Variants in SSBP3 observed in about 807,000 individuals in gnomAD.
SSBP3 encodes single stranded DNA binding protein 3.
A neutral mutation model predicts 69.6 loss-of-function variants in SSBP3; 5 were observed. The observed-to-expected ratio is 0.07, with a 90% CI of 0.04 to 0.15. The LOEUF is 0.15. Ranked by LOEUF, SSBP3 falls within the 10% of genes least tolerant of loss-of-function variation. The pLI, the probability that SSBP3 is intolerant of heterozygous loss-of-function variation, is 1.00. For missense variants in SSBP3, 312 were observed against 534.0 expected, an observed-to-expected ratio of 0.58 and a Z score of 4.10; for synonymous variants, 196 against 193.4, an observed-to-expected ratio of 1.01 and a Z score of -0.11.
At chr1:54,304,394 GGGGGATGGGGGT>G in intron 4 of SSBP3, among the ~76,000 whole-genome samples, 1 of 152,154 alleles carries the variant, frequency 6.6e-6, no homozygotes, top group South Asian at 2.1e-4. Flanking sequence ...AGAGCTCTTG[GGGGGATGGGGGT>G]GGGGAGGGGG....
chr1:54,311,560 C>T (rs1314357018), intron 4 of SSBP3, among the ~76,000 whole-genome samples: 1 of 152,160 alleles, frequency 6.6e-6, no homozygotes, highest in Non-Finnish European at 1.5e-5. Flanking sequence ...ACCCTGCCTA[C>T]CTCATGGGGC....
chr1:54,276,165 A>G (rs1355604783), intron 5 of SSBP3, among the ~76,000 whole-genome samples: 5 of 152,212 alleles, frequency 3.3e-5, no homozygotes, highest in African/African-American at 1.2e-4. Context: ...TCCTTCACCA[A>G]GATGGCAAGT....
chr1:54,302,223 AC>A (rs1261147880), intron 4 of SSBP3, among the ~76,000 whole-genome samples: 2 of 151,666 alleles, frequency 1.3e-5, no homozygotes, highest in African/African-American at 4.9e-5. Flanking sequence ...TGTAGCACCT[AC>A]CCCCTGCCCC....
At position 54,233,004 on chromosome 1, in the gene SSBP3, C is replaced by T. The variant is rs566546749; in HGVS notation, c.928-4178G>A. Among the ~76,000 whole-genome samples the T allele has an allele frequency of 5.6e-4, 86 of 152,214 alleles. 1 individual carries two copies. The highest frequency in any genetic ancestry group is 5.2e-4 in the Admixed American group (8 of 15,302). On this transcript the variant is annotated intron_variant, in intron 14 of 17. Coordinates refer to ENST00000610401, the Ensembl canonical transcript of SSBP3. ...TTGCAGCCTCTGCCCGGCCGCCACC[C>T]GTCTGGGAAGTGAGGAGTGTCTCTG...
chr1:54,329,482 A>T (rs531503771), intron 4 of SSBP3, among the ~76,000 whole-genome samples: 1 of 152,318 alleles, frequency 6.6e-6, no homozygotes, highest in African/African-American at 2.4e-5. Flanking sequence ...CTGATTGTGT[A>T]CTGGGAGGAG....
intron 4 of SSBP3, among the ~76,000 whole-genome samples, chr1:54,291,005 G>A (rs1645595703): frequency 6.6e-6 from 1 of 152,212 alleles, no homozygotes; most frequent in Non-Finnish European, 1.5e-5. Context: ...TAGTAGGCCA[G>A]TGACAGCTCC....
intron 15 of SSBP3, 61 bp from the exon 16 acceptor site, chr1:54,228,538 C>G: frequency 6.2e-7 from 1 of 1,609,068 alleles, no homozygotes. Context: ...GGGGTCTCCC[C>G]TCGTCCTGGG....
At chr1:54,230,273 T>C (rs1644359307) in intron 14 of SSBP3, among the ~76,000 whole-genome samples, 1 of 152,228 alleles carries the variant, frequency 6.6e-6, no homozygotes, top group Admixed American at 6.5e-5. Flanking sequence ...TTTTGCCATC[T>C]AGCAACCAAT....
At chr1:54,308,830 T>G (rs1203219807) in intron 4 of SSBP3, among the ~76,000 whole-genome samples, 3 of 151,602 alleles carry the variant, frequency 2.0e-5, no homozygotes, top group Non-Finnish European at 4.4e-5. Flanking sequence ...AAAGCAGAGA[T>G]TTTTCCAAGG....
intron 4 of SSBP3, among the ~76,000 whole-genome samples, chr1:54,313,654 C>G (rs934866193): frequency 6.6e-6 from 1 of 152,060 alleles, no homozygotes; most frequent in African/African-American, 2.4e-5. Context: ...GCCCTGCAGC[C>G]GTAGGCTGCC....
chr1:54,410,078 C>T (rs1018747920), upstream of SSBP3, among the ~76,000 whole-genome samples: 1 of 152,222 alleles, frequency 6.6e-6, no homozygotes, highest in African/African-American at 2.4e-5. Flanking sequence ...GGGAATATGA[C>T]TCCTTAGGGT....
At chr1:54,231,636 GT>G (rs1570183308) in intron 14 of SSBP3, among the ~76,000 whole-genome samples, 3 of 152,136 alleles carry the variant, frequency 2.0e-5, no homozygotes, top group African/African-American at 7.2e-5. Context: ...TACTTCAAGT[GT>G]TTTGTAGTTT....
intron 4 of SSBP3, among the ~76,000 whole-genome samples, chr1:54,288,327 G>A (rs1388311071): frequency 6.6e-6 from 1 of 152,214 alleles, no homozygotes; most frequent in South Asian, 2.1e-4. Flanking sequence ...ACACAAGGCA[G>A]CTGATGTCCT....
At chr1:54,370,716 T>C (rs1363462015) in intron 4 of SSBP3, among the ~76,000 whole-genome samples, 1 of 152,120 alleles carries the variant, frequency 6.6e-6, no homozygotes, top group Non-Finnish European at 1.5e-5. Context: ...CAGGGGATTA[T>C]TATATGTAAG....
chr1:54,267,506 C>T (rs924371393), intron 5 of SSBP3, among the ~76,000 whole-genome samples: 5 of 152,292 alleles, frequency 3.3e-5, no homozygotes, highest in African/African-American at 1.2e-4. Context: ...GGAGCAGTGA[C>T]CACAGAACAG....
At chr1:54,297,977 G>A (rs1366229874) in intron 4 of SSBP3, among the ~76,000 whole-genome samples, 7 of 152,114 alleles carry the variant, frequency 4.6e-5, no homozygotes, top group African/African-American at 1.7e-4. Flanking sequence ...GACCCCAGCA[G>A]GGGAAACAGA....
At position 54,361,134 on chromosome 1, in the gene SSBP3, A is replaced by G. The variant is rs535564498; in HGVS notation, c.276+40727T>C. ...GATAATGCATGTAAAAGCAGTTTGCATAGAGAGTGAGCCTCCACAATCCCT... is the reference window on the plus strand; with the variant it reads ...GATAATGCATGTAAAAGCAGTTTGCGTAGAGAGTGAGCCTCCACAATCCCT... On this transcript the variant is annotated intron_variant, in intron 4 of 17. Coordinates refer to ENST00000610401, the Ensembl canonical transcript of SSBP3. Among the ~76,000 whole-genome samples, 23 of 152,264 alleles carry G rather than the reference A, an allele frequency of 1.5e-4. No individual in the cohort carries two copies. The East Asian group carries it at 3.1e-3, about 20-fold the overall frequency.
intron 2 of SSBP3, 60 bp downstream of exon 2, chr1:54,404,798 C>G: frequency 9.2e-7 from 1 of 1,081,976 alleles, no homozygotes. Flanking sequence ...AACAAAGGCT[C>G]TAAGAATAGT....
At chr1:54,324,423 C>G (rs1355318954) in intron 4 of SSBP3, among the ~76,000 whole-genome samples, 2 of 151,812 alleles carry the variant, frequency 1.3e-5, no homozygotes, top group Non-Finnish European at 2.9e-5. Context: ...ACAGTCCCCA[C>G]CCCCACACCC....
Sources: allele counts gnomAD v4.1 joint callset (sites outside exome capture counted in the v4.1 genomes callset), GRCh38; gene constraint gnomAD v4.1.1; transcripts MANE v1.5; gene names NCBI Gene and HGNC (gene_info 2026-07-23, HGNC 2026-07-21).